The following CNOT4 variants were observed in gnomAD, a reference collection of about 807,000 sequenced individuals.
CNOT4 encodes CCR4-NOT transcription complex subunit 4, also known as CCR4-associated factor 4.
In CNOT4, 8 loss-of-function variants were observed where a neutral mutation model predicts 73.8. The ratio of observed to expected loss-of-function variants is 0.11; its 90% CI spans 0.06 to 0.20. CNOT4 has a LOEUF of 0.20. CNOT4 is among the 10% of genes least tolerant of loss of function. The probability of loss-of-function intolerance (pLI) is 1.00; values close to 1 mark genes in which losing one functional copy is unlikely to be tolerated. For synonymous variants in CNOT4, 293 were observed against 321.1 expected (o/e 0.91, Z 0.94); for missense variants, 564 against 883.4 (o/e 0.64, Z 4.58).
At chr7:135,451,082 G>C (rs1254181440) in intron 1 of CNOT4, among the ~76,000 whole-genome samples, 2 of 152,180 alleles carry the variant, frequency 1.3e-5, no homozygotes, top group African/African-American at 2.4e-5. Context: ...CAGCCTTAGA[G>C]AAACAGTTGC....
intron 1 of CNOT4, among the ~76,000 whole-genome samples, chr7:135,468,029 C>T (rs1347607641): frequency 2.6e-5 from 4 of 151,672 alleles, no homozygotes; most frequent in Admixed American, 6.6e-5. Context: ...TCCTGGCTAA[C>T]ACGGTGAAAC....
At chr7:135,444,450 G>A (rs1365657868) in intron 1 of CNOT4, 19 of 773,594 alleles carry the variant, frequency 2.5e-5, no homozygotes, top group East Asian at 4.9e-5. Context: ...CCTCAGGAAC[G>A]AGATGGCGGT....
intron 7 of CNOT4, among the ~76,000 whole-genome samples, chr7:135,404,369 T>C (rs997417236): frequency 3.3e-5 from 5 of 152,226 alleles, no homozygotes; most frequent in Admixed American, 2.6e-4. Flanking sequence ...TCACCTCTAA[T>C]CTATCTAGAA....
At chr7:135,434,318 A>G (rs370199640) in intron 2 of CNOT4, among the ~76,000 whole-genome samples, 1 of 152,344 alleles carries the variant, frequency 6.6e-6, no homozygotes, top group East Asian at 1.9e-4. Context: ...CGCTGCGCTG[A>G]GCAGATTCTC....
At chr7:135,368,675 T>C in intron 10 of CNOT4, among the ~76,000 whole-genome samples, 1 of 152,156 alleles carries the variant, frequency 6.6e-6, no homozygotes, top group East Asian at 1.9e-4. Context: ...CTCCCCCTCC[T>C]CCCACACCAA....
At chr7:135,431,570 T>C (rs899363134) in intron 2 of CNOT4, among the ~76,000 whole-genome samples, 5 of 151,924 alleles carry the variant, frequency 3.3e-5, no homozygotes, top group African/African-American at 1.2e-4. Flanking sequence ...GGTGAAACCC[T>C]GTCTCTACTA....
At chr7:135,381,159 C>T (rs1043942553) in intron 10 of CNOT4, among the ~76,000 whole-genome samples, 2 of 152,228 alleles carry the variant, frequency 1.3e-5, no homozygotes, top group African/African-American at 4.8e-5. Flanking sequence ...TGGAACACAG[C>T]AGGAATAAAT....
chr7:135,370,123 T>A (rs1311269221), intron 10 of CNOT4, among the ~76,000 whole-genome samples: 1 of 152,238 alleles, frequency 6.6e-6, no homozygotes, highest in Non-Finnish European at 1.5e-5. Context: ...ACAACTATGT[T>A]TATTATAATG....
chr7:135,480,650 T>C (rs778023334), intron 1 of CNOT4, among the ~76,000 whole-genome samples: 11 of 152,164 alleles, frequency 7.2e-5, no homozygotes, highest in Admixed American at 1.3e-4. Context: ...CAAATTCCTA[T>C]TAGAACCATT....
intron 2 of CNOT4, among the ~76,000 whole-genome samples, chr7:135,426,195 C>T (rs575773994): frequency 1.3e-5 from 2 of 152,126 alleles, no homozygotes; most frequent in South Asian, 4.1e-4. Context: ...GCTTGGGTGA[C>T]AAGGCAAGAC....
Position 135,366,875 on chromosome 7 carries a change from C to T in CNOT4, c.1628-2809G>A, listed in dbSNP as rs147782656. Among the ~76,000 whole-genome samples the T allele has an allele frequency of 7.8e-3, 1,192 of 152,254 alleles. 17 individuals are homozygous for T. The highest frequency in any genetic ancestry group is 0.027 in the African/African-American group (1,125 of 41,546). On this transcript the variant is annotated intron_variant, in intron 10 of 11. Coordinates refer to ENST00000541284, the MANE Select transcript of CNOT4 (RefSeq NM_001190850.2). Reference sequence around the variant, plus strand: ...CCCATCAAAATAGCTCATCTCAGTCCGGCCATACCTGAAGTCACCTCCTTG... The same window carrying T: ...CCCATCAAAATAGCTCATCTCAGTCTGGCCATACCTGAAGTCACCTCCTTG...
intron 6 of CNOT4, among the ~76,000 whole-genome samples, chr7:135,413,129 C>T (rs889518808): frequency 1.2e-4 from 19 of 152,110 alleles, no homozygotes; most frequent in Non-Finnish European, 2.2e-4. Context: ...ATTTTGTTGA[C>T]ATTCCCCTTA....
chr7:135,421,074 T>C (rs1355634400), intron 3 of CNOT4, among the ~76,000 whole-genome samples: 1 of 152,162 alleles, frequency 6.6e-6, no homozygotes, highest in African/African-American at 2.4e-5. Flanking sequence ...AGATCCTTCT[T>C]ACTAATGTCC....
At chr7:135,408,326 T>C (rs905584118) in intron 7 of CNOT4, among the ~76,000 whole-genome samples, 1 of 152,194 alleles carries the variant, frequency 6.6e-6, no homozygotes, top group Admixed American at 6.5e-5. Context: ...AATTATGTTT[T>C]AGTGACATGG....
intron 1 of CNOT4, among the ~76,000 whole-genome samples, chr7:135,483,440 A>T (rs1018492327): frequency 6.6e-6 from 1 of 152,138 alleles, no homozygotes; most frequent in Non-Finnish European, 1.5e-5. Flanking sequence ...TTGAAAAATA[A>T]TGTAATCTGC....
chr7:135,384,458 TG>T lies in CNOT4; in HGVS notation c.1627+9459del, dbSNP rs1266336243. The T allele has an allele frequency of 1.9e-5, 9 of 464,846 alleles. No homozygotes were observed. The Admixed American group carries it at 3.3e-4, about 17-fold the overall frequency. 28.8% of individuals were successfully genotyped at this position (464,846 alleles called of 1,614,324 possible). On this transcript the variant is annotated intron_variant, in intron 10 of 11. Coordinates refer to ENST00000541284, the MANE Select transcript of CNOT4 (RefSeq NM_001190850.2). ...CGCCACCACGCCCAGCTAATTTTTT[TG>T]TATTTTTAGTAGAGACGGGGTTTCA...
At chr7:135,468,827 C>G (rs961662882) in intron 1 of CNOT4, among the ~76,000 whole-genome samples, 1 of 152,104 alleles carries the variant, frequency 6.6e-6, no homozygotes, top group Non-Finnish European at 1.5e-5. Flanking sequence ...AACCCTTATG[C>G]CTTACTCTTA....
chr7:135,380,305 G>A (rs997912234), intron 10 of CNOT4, among the ~76,000 whole-genome samples: 3 of 152,140 alleles, frequency 2.0e-5, no homozygotes, highest in African/African-American at 7.2e-5. Flanking sequence ...CCAGTCTAGT[G>A]GTTATGTGTG....
chr7:135,450,677 T>C (rs1800103552), intron 1 of CNOT4, among the ~76,000 whole-genome samples: 1 of 152,130 alleles, frequency 6.6e-6, no homozygotes, highest in Admixed American at 6.6e-5. Context: ...GAAGGCATGG[T>C]AAGGAAAGAT....
Sources: gnomAD v4.1 joint callset for allele counts (sites outside exome capture counted in the v4.1 genomes callset) on GRCh38, gnomAD v4.1.1 for gene constraint, MANE v1.5 for transcripts, NCBI Gene and HGNC (gene_info 2026-07-23, HGNC 2026-07-21) for gene names.